The following ABCA12 variants were observed in gnomAD, a reference collection of about 807,000 sequenced individuals.
ABCA12 encodes the protein glucosylceramide transporter ABCA12.
ABCA12 carries 156 observed loss-of-function variants against 293.5 expected under a neutral mutation model. That is an observed-to-expected ratio of 0.53 (90% CI 0.47 to 0.61). The LOEUF is 0.61. ABCA12 is among the 20% of genes least tolerant of loss of function. The pLI, the probability that ABCA12 is intolerant of heterozygous loss-of-function variation, is 0.00. For missense variants in ABCA12, 2,797 were observed against 3,090.2 expected, an observed-to-expected ratio of 0.91 and a Z score of 2.25; for synonymous variants, 1,063 against 1,108.0, an observed-to-expected ratio of 0.96 and a Z score of 0.81.
At chr2:215,112,375 C>T (rs1272452452) in intron 1 of ABCA12, among the ~76,000 whole-genome samples, 17 of 130,674 alleles carry the variant, frequency 1.3e-4, no homozygotes, top group African/African-American at 4.1e-4. Flanking sequence ...ATAAACTGGA[C>T]GTTCATTTAT....
intron 6 of ABCA12, among the ~76,000 whole-genome samples, chr2:215,046,844 C>A (rs150337847): frequency 1.3e-5 from 2 of 152,014 alleles, no homozygotes; most frequent in South Asian, 4.2e-4. Context: ...AAATGATAGA[C>A]TGGATAAAGA....
At chr2:214,953,039 C>G (rs1221861656) in intron 44 of ABCA12, among the ~76,000 whole-genome samples, 1 of 152,202 alleles carries the variant, frequency 6.6e-6, no homozygotes, top group African/African-American at 2.4e-5. Flanking sequence ...CAGAGGCACT[C>G]ACAATTAGAG....
chr2:215,130,058 G>A (rs1231732641), intron 1 of ABCA12, among the ~76,000 whole-genome samples: 2 of 152,028 alleles, frequency 1.3e-5, no homozygotes, highest in Non-Finnish European at 2.9e-5. Flanking sequence ...TTATTTTGGG[G>A]TTCTCTATTC....
At chr2:214,934,047 T>C (rs1310073171) in intron 52 of ABCA12, 31 bp downstream of exon 52, 1 of 1,595,832 alleles carries the variant, frequency 6.3e-7, no homozygotes, top group African/African-American at 1.3e-5. Context: ...ATATGTGACG[T>C]TGTGCACATG....
chr2:214,989,929 T>C (rs563972388), intron 24 of ABCA12, among the ~76,000 whole-genome samples: 29 of 152,176 alleles, frequency 1.9e-4, no homozygotes, highest in Non-Finnish European at 3.5e-4. Context: ...TATGGAGTAA[T>C]TCAGTATTAA....
intron 1 of ABCA12, among the ~76,000 whole-genome samples, chr2:215,133,334 G>C (rs1245782778): frequency 6.6e-6 from 1 of 151,332 alleles, no homozygotes; most frequent in Non-Finnish European, 1.5e-5. Flanking sequence ...AAATTTTCTT[G>C]AATTATTCTC....
intron 19 of ABCA12, among the ~76,000 whole-genome samples, chr2:215,005,859 C>T (rs904029005): frequency 2.0e-5 from 3 of 152,136 alleles, no homozygotes; most frequent in Admixed American, 2.0e-4. Flanking sequence ...AATACCAAAA[C>T]ACCAAATGCT....
intron 2 of ABCA12, among the ~76,000 whole-genome samples, chr2:215,102,375 A>G (rs111809443): frequency 0.04 from 6,036 of 152,136 alleles, 374 homozygotes; most frequent in African/African-American, 0.13. Flanking sequence ...GAGGTGGGTG[A>G]ATCACTTGAG....
intron 2 of ABCA12, among the ~76,000 whole-genome samples, chr2:215,068,581 C>G (rs1701678080): frequency 6.6e-6 from 1 of 151,916 alleles, no homozygotes. Flanking sequence ...CTTTCTCCCC[C>G]ATCCTTCTTT....
intron 44 of ABCA12, 33 bp from the exon 45 acceptor site, chr2:214,951,116 A>AT (rs767263006): frequency 1.9e-6 from 3 of 1,580,268 alleles, no homozygotes; most frequent in Non-Finnish European, 2.6e-6. Context: ...TACGTCAATG[A>AT]TTTTGAAATG....
At position 214,978,957 on chromosome 2, in the gene ABCA12, G is replaced by C. The variant is rs768291337; in HGVS notation, c.4824C>G (p.Leu1608=). 2 of 1,614,084 alleles carry C rather than the reference G, an allele frequency of 1.2e-6. No homozygotes were observed. Among genetic ancestry groups the C allele is most frequent in the Non-Finnish European group, 8.5e-7 (1 of 1,179,992 alleles). The change falls in exon 32 of 53, where the codon CTC becomes CTG. Residue 1608 remains leucine (L), a synonymous_variant. Transcript: ENST00000272895. ...MIQSHLPEAY[L]KEDIGGELVY... Reference sequence around the variant, plus strand: ...CAAGCTCTCCCCCAATATCCTCCTTGAGGTAGGCTTCGGGGAGATGTGATT... The same window carrying C: ...CAAGCTCTCCCCCAATATCCTCCTTCAGGTAGGCTTCGGGGAGATGTGATT...
chr2:215,036,537 G>T (rs1559159809), intron 8 of ABCA12, among the ~76,000 whole-genome samples: 1 of 152,036 alleles, frequency 6.6e-6, no homozygotes, highest in Admixed American at 6.6e-5. Flanking sequence ...GGGACATTTT[G>T]TGACTCACTA....
At position 215,112,508 on chromosome 2, in the gene ABCA12, T is replaced by TTTTTTTTTTGG. The variant is rs1702597967; in HGVS notation, c.70-819_70-818insCCAAAAAAAAA. Among the ~76,000 whole-genome samples, 4 of 131,592 alleles carry TTTTTTTTTTGG rather than the reference T, an allele frequency of 3.0e-5. No homozygotes were observed. The East Asian group carries it at 6.9e-4, about 23-fold the overall frequency. 86.3% of individuals were successfully genotyped at this position (131,592 alleles called of 152,430 possible). A position where few individuals can be genotyped will look rare whatever the true frequency, so the allele number is the denominator to read the frequency against. Reference sequence around the variant, plus strand: ...TTTGTTTTTTTTTTGTTTTTTTTTGTTTTTTTTTGAGACAGAGTCTTGCTC... The same window carrying TTTTTTTTTTGG: ...TTTGTTTTTTTTTTGTTTTTTTTTGTTTTTTTTTTGGTTTTTTTTGAGACAGAGTCTTGCTC... On this transcript the variant is annotated intron_variant, in intron 1 of 52. Coordinates refer to ENST00000272895, the MANE Select transcript of ABCA12 (RefSeq NM_173076.3).
chr2:214,941,736 T>C (rs113903950), intron 50 of ABCA12, among the ~76,000 whole-genome samples: 5,347 of 152,250 alleles, frequency 0.035, 149 homozygotes, highest in South Asian at 0.085. Flanking sequence ...TCTTTGTTGG[T>C]TTAAAGTCTG....
intron 52 of ABCA12, among the ~76,000 whole-genome samples, chr2:214,933,619 G>A (rs986672274): frequency 3.3e-5 from 5 of 152,044 alleles, no homozygotes; most frequent in East Asian, 3.9e-4. Flanking sequence ...GATGATGTAC[G>A]TTGAACGGAA....
chr2:214,947,673 G>A, intron 47 of ABCA12, 117 bp from the exon 48 acceptor site: 1 of 1,172,130 alleles, frequency 8.5e-7, no homozygotes, highest in South Asian at 1.4e-5. Context: ...GAATATATCT[G>A]GAAAAAAATG....
chr2:214,938,251 C>A (rs541470753), intron 50 of ABCA12, among the ~76,000 whole-genome samples: 1 of 152,210 alleles, frequency 6.6e-6, no homozygotes, highest in South Asian at 2.1e-4. Context: ...TGATGGTTTC[C>A]AGCTTTATCC....
chr2:214,946,432 A>ATTTG (rs1454096617), intron 48 of ABCA12, among the ~76,000 whole-genome samples: 1 of 152,126 alleles, frequency 6.6e-6, no homozygotes, highest in African/African-American at 2.4e-5. Context: ...AGTACTTTAC[A>ATTTG]TTTGTTATTT....
intron 27 of ABCA12, among the ~76,000 whole-genome samples, chr2:214,987,343 GAGTT>G (rs1433828592): frequency 1.3e-5 from 2 of 152,086 alleles, no homozygotes; most frequent in Non-Finnish European, 2.9e-5. Flanking sequence ...CAGATGGCTG[GAGTT>G]AGGGGTGTAG....
Sources: allele counts gnomAD v4.1 joint callset (sites outside exome capture counted in the v4.1 genomes callset), GRCh38; gene constraint gnomAD v4.1.1; transcripts MANE v1.5; gene names NCBI Gene and HGNC (gene_info 2026-07-23, HGNC 2026-07-21).